The following RBPJ variants were observed in gnomAD, a reference collection of about 807,000 sequenced individuals.
The protein encoded by RBPJ is recombination signal binding protein for immunoglobulin kappa J region, also known as recombining binding protein suppressor of hairless.
RBPJ carries 9 observed loss-of-function variants against 67.8 expected under a neutral mutation model. The ratio of observed to expected loss-of-function variants is 0.13; its 90% confidence interval spans 0.08 to 0.23. The LOEUF is 0.23. RBPJ is among the 10% of genes least tolerant of loss of function. The pLI is 1.00. For synonymous variants in RBPJ, 198 were observed against 203.3 expected, an observed-to-expected ratio of 0.97 and a Z score of 0.22; for missense variants, 305 against 595.6, an observed-to-expected ratio of 0.51 and a Z score of 5.08.
intron 1 of RBPJ, among the ~76,000 whole-genome samples, chr4:26,182,219 G>C (rs1032212609): frequency 5.3e-5 from 8 of 151,968 alleles, no homozygotes; most frequent in Non-Finnish European, 1.0e-4. Context: ...GCGGGCGCCT[G>C]TAGTCCCAGT....
At chr4:26,351,555 A>AT (rs1726807965) in intron 1 of RBPJ, among the ~76,000 whole-genome samples, 3 of 151,900 alleles carry the variant, frequency 2.0e-5, no homozygotes, top group South Asian at 2.1e-4. Context: ...TAATTTTTGT[A>AT]TTTTTTGTAG....
At chr4:26,244,413 A>ATATGTATGCACATATGTGTACG (rs1560226556) in intron 1 of RBPJ, among the ~76,000 whole-genome samples, 69 of 2,708 alleles carry the variant, frequency 0.025, 2 homozygotes, top group Non-Finnish European at 0.029. Context: ...ATGTGTGTAT[A>ATATGTATGCACATATGTGTACG]CATATGTGTG....
the RBPJ span, among the ~76,000 whole-genome samples, chr4:26,125,946 G>A: frequency 1.2e-4 from 18 of 152,242 alleles, no homozygotes; most frequent in South Asian, 1.9e-3. Context: ...CCAGGTGTGC[G>A]GATGGGGATA....
chr4:26,386,787 A>C (rs1341851798), intron 2 of RBPJ, among the ~76,000 whole-genome samples: 2 of 152,312 alleles, frequency 1.3e-5, no homozygotes, highest in Admixed American at 6.5e-5. Flanking sequence ...TTAAGAAAAC[A>C]CACGTTTTAT....
At chr4:26,423,684 C>A (rs1167910001) in intron 5 of RBPJ, among the ~76,000 whole-genome samples, 2 of 152,176 alleles carry the variant, frequency 1.3e-5, no homozygotes, top group Non-Finnish European at 2.9e-5. Flanking sequence ...ATATTAGTTT[C>A]TTGATGGCAG....
intron 1 of RBPJ, among the ~76,000 whole-genome samples, chr4:26,223,146 C>T (rs1039930735): frequency 1.5e-5 from 2 of 137,176 alleles, no homozygotes; most frequent in African/African-American, 2.9e-5. Flanking sequence ...CAGTGCGAGA[C>T]ACTGTCTCAA....
At chr4:26,255,383 G>A (rs1281341651) in intron 1 of RBPJ, among the ~76,000 whole-genome samples, 53 of 86,706 alleles carry the variant, frequency 6.1e-4, no homozygotes, top group East Asian at 2.3e-3. Flanking sequence ...CAGCCTGGGC[G>A]ACAGAGCGAG....
At chr4:26,241,151 C>G (rs1370327069) in intron 1 of RBPJ, among the ~76,000 whole-genome samples, 3 of 150,410 alleles carry the variant, frequency 2.0e-5, no homozygotes, top group Admixed American at 6.7e-5. Context: ...GAGCCAAGGT[C>G]GCACCATTGC....
At chr4:26,270,433 GAAAGA>G (rs1720873517) in intron 1 of RBPJ, among the ~76,000 whole-genome samples, 2 of 57,792 alleles carry the variant, frequency 3.5e-5, no homozygotes, top group African/African-American at 8.7e-5. Flanking sequence ...AAGAAAGAAA[GAAAGA>G]AGAAAGAAAG....
chr4:26,407,883 CTTTTTTTTTTT>C (rs61575988), intron 3 of RBPJ, among the ~76,000 whole-genome samples: 1 of 63,622 alleles, frequency 1.6e-5, no homozygotes, highest in Non-Finnish European at 2.8e-5. Flanking sequence ...AGCTTTCTTT[CTTTTTTTTTTT>C]TTTTTTTTTT....
chr4:26,402,984 C>G (rs749268592), intron 2 of RBPJ, among the ~76,000 whole-genome samples: 9 of 152,224 alleles, frequency 5.9e-5, no homozygotes, highest in Admixed American at 1.3e-4. Context: ...CTGTCCCCTA[C>G]TATCTTCTGT....
intron 4 of RBPJ, 137 bp from the exon 5 acceptor site, chr4:26,420,414 A>T: frequency 1.9e-6 from 1 of 522,954 alleles, no homozygotes; most frequent in Non-Finnish European, 3.3e-6. Flanking sequence ...TATAGTTGAT[A>T]ATTTTTAGAG....
chr4:26,357,767 T>C (rs1439730132), intron 1 of RBPJ, among the ~76,000 whole-genome samples: 1 of 152,110 alleles, frequency 6.6e-6, no homozygotes, highest in African/African-American at 2.4e-5. Flanking sequence ...CACCATTCTT[T>C]TTGTCTCTAT....
intron 1 of RBPJ, among the ~76,000 whole-genome samples, chr4:26,369,392 CT>C (rs1201669310): frequency 2.0e-5 from 3 of 152,252 alleles, no homozygotes; most frequent in Non-Finnish European, 4.4e-5. Context: ...TTTACCCAGT[CT>C]TCACAATAGC....
At chr4:26,365,636 G>C (rs554454620) in intron 1 of RBPJ, among the ~76,000 whole-genome samples, 4 of 152,198 alleles carry the variant, frequency 2.6e-5, no homozygotes, top group African/African-American at 9.7e-5. Flanking sequence ...TCCACTAAGT[G>C]TATGTTTCCC....
intron 1 of RBPJ, among the ~76,000 whole-genome samples, chr4:26,178,607 CAAA>C (rs1173498137): frequency 3.4e-5 from 2 of 58,734 alleles, no homozygotes; most frequent in Non-Finnish European, 5.9e-5. Context: ...GACCCCGTAT[CAAA>C]AAAAAAAAAA....
intron 1 of RBPJ, among the ~76,000 whole-genome samples, chr4:26,352,432 G>A (rs1208506713): frequency 2.0e-5 from 3 of 152,164 alleles, no homozygotes; most frequent in African/African-American, 4.8e-5. Context: ...ATATTGTGAC[G>A]TTAGGGGTCA....
intron 1 of RBPJ, among the ~76,000 whole-genome samples, chr4:26,286,004 G>C (rs1721450767): frequency 6.6e-6 from 1 of 152,188 alleles, no homozygotes; most frequent in Non-Finnish European, 1.5e-5. Context: ...AGTCCTAGCT[G>C]CTCAGTACAC....
intron 1 of RBPJ, among the ~76,000 whole-genome samples, chr4:26,303,278 AATAT>A (rs766094629): frequency 4.1e-5 from 6 of 145,182 alleles, no homozygotes; most frequent in Admixed American, 1.4e-4. Context: ...ATCCATATGA[AATAT>A]ATATATATAT....
Sources: gnomAD v4.1 joint callset for allele counts (sites outside exome capture counted in the v4.1 genomes callset) on GRCh38, gnomAD v4.1.1 for gene constraint, MANE v1.5 for transcripts, NCBI Gene and HGNC (gene_info 2026-07-23, HGNC 2026-07-21) for gene names.